The following HECW1 variants were observed in gnomAD, a reference collection of about 807,000 sequenced individuals.
HECW1 encodes the protein HECT, C2 and WW domain containing E3 ubiquitin protein ligase 1.
A neutral mutation model predicts 182.3 loss-of-function variants in HECW1; 61 were observed. The ratio of observed to expected loss-of-function variants is 0.33; its 90% CI spans 0.27 to 0.41. HECW1 has a LOEUF of 0.41. Ranked by LOEUF, HECW1 falls within the 10% of genes least tolerant of loss-of-function variation. The pLI is 1.00. For missense variants in HECW1, 1,739 were observed against 2,108.9 expected, an observed-to-expected ratio of 0.82 and a Z score of 3.44; for synonymous variants, 859 against 832.6, an observed-to-expected ratio of 1.03 and a Z score of -0.55.
At chr7:43,252,670 G>A (rs967745433) in intron 3 of HECW1, among the ~76,000 whole-genome samples, 1 of 152,102 alleles carries the variant, frequency 6.6e-6, no homozygotes, top group Non-Finnish European at 1.5e-5. Context: ...TCATACCCAC[G>A]CATTTTGTAA....
At chr7:43,298,227 C>A (rs1353720624) in intron 3 of HECW1, among the ~76,000 whole-genome samples, 1 of 152,204 alleles carries the variant, frequency 6.6e-6, no homozygotes, top group Non-Finnish European at 1.5e-5. Context: ...CTTCTAACAA[C>A]CTCATTTTGG....
Position 43,191,959 on chromosome 7 carries a change from T to G in HECW1, c.-31-51916T>G, listed in dbSNP as rs200446981. On this transcript the variant is annotated intron_variant, in intron 2 of 29. Coordinates refer to ENST00000395891, the MANE Select transcript of HECW1 (RefSeq NM_015052.5). ...GAAGAAATAAGACCTAGTTGTTGTT[T>G]TTTTCTTTTTTTTTTTTGAGATGGA... 6.0e-5 allele frequency among the ~76,000 whole-genome samples: 8 copies of G among 133,016 alleles called. No individual in the cohort carries two copies. In the East Asian group the frequency reaches 1.2e-3, roughly 20 times the overall value. 87.3% of individuals were successfully genotyped at this position (133,016 alleles called of 152,430 possible). A position where few individuals can be genotyped will look rare whatever the true frequency, so the allele number is the denominator to read the frequency against.
chr7:43,257,050 C>T (rs904910542), intron 3 of HECW1, among the ~76,000 whole-genome samples: 5 of 150,414 alleles, frequency 3.3e-5, no homozygotes, highest in Non-Finnish European at 5.9e-5. Flanking sequence ...TTATTAGATA[C>T]TCACTCATCC....
intron 5 of HECW1, among the ~76,000 whole-genome samples, chr7:43,336,144 T>TCTCTCTCTCTC (rs1812211759): frequency 9.6e-5 from 5 of 51,980 alleles, no homozygotes; most frequent in African/African-American, 1.4e-4. Flanking sequence ...CTCTCTCTCT[T>TCTCTCTCTCTC]TCTCTCTCTC....
chr7:43,550,421 G>T (rs753677985), intron 26 of HECW1, 24 bp from the exon 27 acceptor site: 2 of 1,613,144 alleles, frequency 1.2e-6, no homozygotes, highest in Non-Finnish European at 1.7e-6. Flanking sequence ...GACAAGCATC[G>T]CAATATTTCT....
At chr7:43,161,729 T>A (rs569443247) in intron 2 of HECW1, 1 of 152,344 alleles carries the variant, frequency 6.6e-6, no homozygotes, top group African/African-American at 2.4e-5. Context: ...TCTGTATCAC[T>A]AAGGTGATTC....
At chr7:43,161,209 C>T (rs1366998871) in intron 2 of HECW1, among the ~76,000 whole-genome samples, 5 of 151,824 alleles carry the variant, frequency 3.3e-5, no homozygotes, top group Non-Finnish European at 5.9e-5. Flanking sequence ...TTTGCAGTTG[C>T]CCATTGGTTT....
chr7:43,293,313 C>T (rs944177021), intron 3 of HECW1, among the ~76,000 whole-genome samples: 2 of 152,082 alleles, frequency 1.3e-5, no homozygotes, highest in Non-Finnish European at 2.9e-5. Context: ...TTCAAGGGCC[C>T]GAATACAGAA....
At chr7:43,307,459 A>C (rs754708760) in intron 3 of HECW1, among the ~76,000 whole-genome samples, 2 of 152,174 alleles carry the variant, frequency 1.3e-5, no homozygotes, top group Non-Finnish European at 2.9e-5. Context: ...AGGAAAGAGA[A>C]AGGAGGTCTC....
At chr7:43,270,853 T>C (rs1219303546) in intron 3 of HECW1, among the ~76,000 whole-genome samples, 1 of 152,138 alleles carries the variant, frequency 6.6e-6, no homozygotes, top group African/African-American at 2.4e-5. Flanking sequence ...TTGGAAAATA[T>C]GAAAGTAAGA....
intron 5 of HECW1, among the ~76,000 whole-genome samples, chr7:43,346,390 T>G (rs1333077601): frequency 1.3e-5 from 2 of 152,208 alleles, no homozygotes; most frequent in South Asian, 4.1e-4. Context: ...TTCTGGCTAT[T>G]AGTCCTTTGT....
At chr7:43,558,457 C>T (rs2082101919) in intron 29 of HECW1, among the ~76,000 whole-genome samples, 1 of 152,138 alleles carries the variant, frequency 6.6e-6, no homozygotes, top group Admixed American at 6.5e-5. Flanking sequence ...TACTCTGTAG[C>T]AGTGATTCTC....
chr7:43,506,143 G>A (rs913784852), intron 21 of HECW1, among the ~76,000 whole-genome samples: 2 of 152,082 alleles, frequency 1.3e-5, no homozygotes, highest in East Asian at 3.8e-4. Context: ...ATGATGCAAG[G>A]TCATCTAATA....
chr7:43,252,648 G>A (rs1438526786), intron 3 of HECW1, among the ~76,000 whole-genome samples: 1 of 152,202 alleles, frequency 6.6e-6, no homozygotes, highest in Non-Finnish European at 1.5e-5. Flanking sequence ...CATTGGTTAT[G>A]AGTTCCCATA....
At chr7:43,216,584 C>T (rs1796462661) in intron 2 of HECW1, among the ~76,000 whole-genome samples, 1 of 152,162 alleles carries the variant, frequency 6.6e-6, no homozygotes, top group Non-Finnish European at 1.5e-5. Context: ...TCCCCAGATG[C>T]CGTGTTAGCC....
intron 29 of HECW1, among the ~76,000 whole-genome samples, chr7:43,557,301 TC>T (rs1185234791): frequency 6.6e-6 from 1 of 152,100 alleles, no homozygotes; most frequent in African/African-American, 2.4e-5. Flanking sequence ...AGCTCTTTCC[TC>T]AAGTCCTTCC....
At chr7:43,277,806 T>C (rs1803350595) in intron 3 of HECW1, among the ~76,000 whole-genome samples, 1 of 152,208 alleles carries the variant, frequency 6.6e-6, no homozygotes, top group African/African-American at 2.4e-5. Flanking sequence ...ATCTCCACTT[T>C]GGAAATTCCC....
Position 43,243,505 on chromosome 7 carries a change from A to G in HECW1, c.-31-370A>G, listed in dbSNP as rs1799074982. ...GAGCTTCAGGAGTGGATCATATGTGAGGATGCTTTTCGCTGGCCTTCTCAG... is the reference window on the plus strand; with the variant it reads ...GAGCTTCAGGAGTGGATCATATGTGGGGATGCTTTTCGCTGGCCTTCTCAG... On this transcript the variant is annotated intron_variant, in intron 2 of 29. Coordinates refer to ENST00000395891, the MANE Select transcript of HECW1 (RefSeq NM_015052.5). This position sits in a 1 kb window ranked among gnomAD's most constrained non-coding sequence, Gnocchi z 4.0. Among the ~76,000 whole-genome samples the G allele has an allele frequency of 6.6e-6, 1 of 152,088 alleles. No homozygotes were observed. Among genetic ancestry groups the G allele is most frequent in the Non-Finnish European group, 1.5e-5 (1 of 68,014 alleles).
intron 2 of HECW1, among the ~76,000 whole-genome samples, chr7:43,170,576 C>T (rs1458130629): frequency 1.3e-5 from 2 of 152,180 alleles, no homozygotes; most frequent in Admixed American, 6.5e-5. Flanking sequence ...GGACAGCACA[C>T]TCTCACTGGC....
Sources: gnomAD v4.1 joint callset for allele counts (sites outside exome capture counted in the v4.1 genomes callset) on GRCh38, gnomAD v4.1.1 for gene constraint, Gnocchi (gnomAD v3.1) non-coding constraint, MANE v1.5 for transcripts, NCBI Gene and HGNC (gene_info 2026-07-23, HGNC 2026-07-21) for gene names.